WNK1: variants seen among roughly 807,000 people sequenced by gnomAD.
WNK1 encodes serine/threonine-protein kinase WNK1.
Under a neutral mutation model 222.8 loss-of-function variants are expected in WNK1, and 38 were observed. The observed-to-expected ratio is 0.17, with a 90% CI of 0.13 to 0.22. The LOEUF is 0.22. Among genes scored for constraint, WNK1 ranks in the 10% least tolerant of loss-of-function variants. WNK1 has a pLI of 1.00. For synonymous variants in WNK1, 1,090 were observed against 1,092.9 expected (o/e 1.00, Z 0.05); for missense variants, 2,348 against 2,918.4 (o/e 0.80, Z 4.50).
intron 1 of WNK1, among the ~76,000 whole-genome samples, chr12:801,779 A>G (rs1945901372): frequency 6.6e-6 from 1 of 152,178 alleles, no homozygotes; most frequent in Non-Finnish European, 1.5e-5. Flanking sequence ...ATTACTACAA[A>G]TGAAAATTGA....
chr12:890,625 C>T, intron 22 of WNK1, 112 bp downstream of exon 22: 1 of 1,067,672 alleles, frequency 9.4e-7, no homozygotes, highest in Admixed American at 1.9e-5. Flanking sequence ...AACTGAGGAG[C>T]ATTGGTAGTA....
At chr12:831,776 A>T (rs7305065) in intron 4 of WNK1, among the ~76,000 whole-genome samples, 65,720 of 151,832 alleles carry the variant, frequency 0.43, 15,551 homozygotes, top group East Asian at 0.81. Flanking sequence ...ACACACATAG[A>T]CAAAATCCCT....
intron 4 of WNK1, among the ~76,000 whole-genome samples, chr12:834,915 T>C (rs183746269): frequency 1.4e-4 from 21 of 152,334 alleles, no homozygotes; most frequent in Non-Finnish European, 2.6e-4. Context: ...CTTTTTAGTA[T>C]TGATAAACAC....
intron 2 of WNK1, among the ~76,000 whole-genome samples, chr12:815,387 G>A (rs991221833): frequency 6.6e-6 from 1 of 152,190 alleles, no homozygotes; most frequent in Non-Finnish European, 1.5e-5. Flanking sequence ...TACAGCACCT[G>A]GATATAGTCA....
Position 891,458 on chromosome 12 carries a change from A to G in WNK1, c.5509+945A>G, listed in dbSNP as rs1266854540. On this transcript the variant is annotated intron_variant, in intron 22 of 27. Coordinates refer to ENST00000315939, the MANE Select transcript of WNK1 (RefSeq NM_018979.4). ...TGGCTGAAAGATGGAATATTTTTAT[A>G]AGTGGTTTAGAACAACTTGAAAGCC... Among the ~76,000 whole-genome samples the G allele has an allele frequency of 2.0e-5, 3 of 152,190 alleles. No homozygotes were observed. In the East Asian group the frequency reaches 5.8e-4, roughly 29 times the overall value.
chr12:881,935 T>C lies in WNK1; in HGVS notation c.3234T>C (p.Gly1078=). ...GTGCACATTCAGATGTTGCTTCAGGTATGAGTGATGGCAATGAGAACGTCC... is the reference window on the plus strand; with the variant it reads ...GTGCACATTCAGATGTTGCTTCAGGCATGAGTGATGGCAATGAGAACGTCC... ...VDSAHSDVAS[G]MSDGNENVPS... is the part of the protein sequence containing the mutation. Residue 1078 remains glycine (G), a synonymous_variant, in exon 14 of 28, where the codon GGT becomes GGC. Transcript: ENST00000315939. 1 of 1,614,174 alleles carries C rather than the reference T, an allele frequency of 6.2e-7. No homozygotes were observed.
At chr12:869,011 AT>A in intron 8 of WNK1, 1 of 1,610,830 alleles carries the variant, frequency 6.2e-7, no homozygotes, top group Non-Finnish European at 8.5e-7. Flanking sequence ...TGTTACAAGA[AT>A]CCCCACTTTT....
chr12:884,046 T>G lies in WNK1; in HGVS notation c.3722-75T>G, dbSNP rs1467943368. ...GTGCCTCAAAAAAAGCAGTTGTATG[T>G]GCCAATAATGAAGTCTAACAATATT... On this transcript the variant is annotated intron_variant, in intron 17 of 27. Transcript: ENST00000315939. This position sits in a 1 kb window ranked among gnomAD's most constrained non-coding sequence, Gnocchi z 5.6. The G allele has an allele frequency of 6.2e-7, 1 of 1,602,232 alleles. No homozygotes were observed. Among genetic ancestry groups the G allele is most frequent in the Non-Finnish European group, 8.5e-7 (1 of 1,171,506 alleles).
chr12:767,824 A>G (rs556770625), intron 1 of WNK1, among the ~76,000 whole-genome samples: 1 of 152,098 alleles, frequency 6.6e-6, no homozygotes, highest in South Asian at 2.1e-4. Flanking sequence ...ACTTCTACAC[A>G]CCTCTTACCT....
chr12:883,063 C>A lies in WNK1; in HGVS notation c.3489+4C>A. 6.3e-7 allele frequency: 1 copy of A among 1,584,046 alleles called. No homozygotes were observed. Among genetic ancestry groups the A allele is most frequent in the Non-Finnish European group, 8.7e-7 (1 of 1,152,742 alleles). ...CGAGGAGATAGCAACAATTATGGTA[C>A]GTCTGCATTTGGAGTTCTAGGTTTT... On this transcript the variant is annotated splice_donor_region_variant and intron_variant, in intron 15 of 27. Transcript: ENST00000315939.
At chr12:821,540 T>G (rs547324939) in intron 2 of WNK1, among the ~76,000 whole-genome samples, 3 of 152,234 alleles carry the variant, frequency 2.0e-5, no homozygotes, top group African/African-American at 7.2e-5. Flanking sequence ...GTTCTAAATA[T>G]GTCTGTTACC....
chr12:858,016 T>C (rs1950916757), intron 5 of WNK1, among the ~76,000 whole-genome samples: 1 of 152,190 alleles, frequency 6.6e-6, no homozygotes, highest in African/African-American at 2.4e-5. Flanking sequence ...GAATTCCATC[T>C]TTTCACCTCT....
intron 26 of WNK1, among the ~76,000 whole-genome samples, chr12:903,724 A>C (rs1955463174): frequency 6.6e-6 from 1 of 152,184 alleles, no homozygotes; most frequent in Non-Finnish European, 1.5e-5. Context: ...TACATCATGT[A>C]AGCCTGGTAA....
At chr12:773,216 C>T (rs920026147) in intron 1 of WNK1, among the ~76,000 whole-genome samples, 3 of 152,038 alleles carry the variant, frequency 2.0e-5, no homozygotes, top group Non-Finnish European at 4.4e-5. Context: ...TGAGATTGCG[C>T]CATTGCATTC....
At chr12:807,124 G>C (rs1007302313) in intron 1 of WNK1, among the ~76,000 whole-genome samples, 1 of 151,458 alleles carries the variant, frequency 6.6e-6, no homozygotes, top group Non-Finnish European at 1.5e-5. Flanking sequence ...GGGGTGGGGG[G>C]TTGGTGTGGG....
chr12:867,843 T>C lies in WNK1; in HGVS notation c.2140-3422T>C, dbSNP rs755057772. Reference sequence around the variant, plus strand: ...TTTCACATATGAATGTATGAATTACTTGTCTTATTCATGTTGATACAGCCT... The same window carrying C: ...TTTCACATATGAATGTATGAATTACCTGTCTTATTCATGTTGATACAGCCT... On this transcript the variant is annotated intron_variant, in intron 8 of 27. Transcript: ENST00000315939. 1.9e-6 allele frequency: 3 copies of C among 1,612,696 alleles called. 1 individual carries two copies. The East Asian group carries it at 6.7e-5, about 36-fold the overall frequency.
chr12:865,343 G>A, intron 8 of WNK1: 2 of 1,536,092 alleles, frequency 1.3e-6, no homozygotes, highest in Non-Finnish European at 1.7e-6. Flanking sequence ...GCTCCAGCCT[G>A]CCTTCCCTCT....
chr12:802,005 C>T (rs942837858), intron 1 of WNK1, among the ~76,000 whole-genome samples: 8 of 152,082 alleles, frequency 5.3e-5, no homozygotes, highest in Admixed American at 3.9e-4. Flanking sequence ...TCATCAACTT[C>T]CCCTCACAGT....
At position 873,193 on chromosome 12, in the gene WNK1, T is replaced by G. The variant is rs550618389; in HGVS notation, c.2223+1845T>G. Among the ~76,000 whole-genome samples, 8 of 152,334 alleles carry G rather than the reference T, an allele frequency of 5.3e-5. No homozygotes were observed. The East Asian group carries it at 1.5e-3, about 29-fold the overall frequency. On this transcript the variant is annotated intron_variant, in intron 9 of 27. Coordinates refer to ENST00000315939, the MANE Select transcript of WNK1 (RefSeq NM_018979.4). ...CTGAGCAAATTGTATGTGCTCTGTT[T>G]TTTCTTTTCCAAAGGAATTGGTTAT...
Sources: gnomAD v4.1 joint callset for allele counts (sites outside exome capture counted in the v4.1 genomes callset) on GRCh38, gnomAD v4.1.1 for gene constraint, Gnocchi (gnomAD v3.1) non-coding constraint, MANE v1.5 for transcripts, NCBI Gene and HGNC (gene_info 2026-07-23, HGNC 2026-07-21) for gene names.